NEB: variants seen among roughly 807,000 people sequenced by gnomAD.
NEB encodes nebulin.
A neutral mutation model predicts 952.2 loss-of-function variants in NEB; 512 were observed. That is an observed-to-expected ratio of 0.54 (90% CI 0.50 to 0.58). The LOEUF (loss-of-function observed/expected upper bound fraction) is 0.58, where lower values mean the gene tolerates loss of function less well. Ranked by LOEUF, NEB falls within the 20% of genes least tolerant of loss-of-function variation. NEB has a pLI of 0.00. For synonymous variants in NEB, 2,900 were observed against 3,149.8 expected (o/e 0.92, Z 2.66); for missense variants, 8,428 against 9,231.1 (o/e 0.91, Z 3.56).
In NEB at chr2:151,540,405, G is replaced by A. The variant is rs763942330; in HGVS notation, c.20831C>T (p.Thr6944Ile). 1.1e-5 allele frequency: 18 copies of A among 1,582,360 alleles called. No homozygotes were observed. Among genetic ancestry groups the A allele is most frequent in the Non-Finnish European group, 1.5e-5 (17 of 1,162,270 alleles). Reference protein sequence around the residue: ...IQYEKMKDKYTPVPDTPILIR... With the variant: ...IQYEKMKDKYIPVPDTPILIR... ...GAGGATTGGCGTATCTGGAACCGGAGTGTACTTGTCTTTCATCTTTTCATA... is the reference window on the plus strand; with the variant it reads ...GAGGATTGGCGTATCTGGAACCGGAATGTACTTGTCTTTCATCTTTTCATA... The change falls in exon 138 of 182, where the codon ACT becomes ATT. Residue 6944 changes from threonine (T) to isoleucine (I), a missense_variant. Physicochemically the swap from Thr to Ile is moderately conservative, Grantham distance 89. Around this residue, in one of 11 missense-constraint regions of NEB, gnomAD observed 3,374 missense variants for 3,651.5 expected, o/e 0.92. Coordinates refer to ENST00000397345, the MANE Select transcript of NEB (RefSeq NM_001164508.2).
intron 172 of NEB, among the ~76,000 whole-genome samples, 187 bp from the exon 173 acceptor site, chr2:151,496,555 C>G (rs1392897604): frequency 1.3e-5 from 2 of 152,294 alleles, no homozygotes; most frequent in South Asian, 4.1e-4. Context: ...AATCTGCACC[C>G]TCTAGAGAAG....
Position 151,682,685 on chromosome 2 carries a change from G to C in NEB, c.2920C>G (p.Arg974Gly). The C allele has an allele frequency of 6.2e-7, 1 of 1,612,724 alleles. No homozygotes were observed. The highest frequency in any genetic ancestry group is 2.2e-5 in the East Asian group (1 of 44,846). ...FGSLEMEKAK[R>G]ASDILNEKKY... Reference sequence around the variant, plus strand: ...ACCTCATTGAGGATGTCTGAAGCTCGCTTTGCCTTTTCCATTTCTAAGGAC... The same window carrying C: ...ACCTCATTGAGGATGTCTGAAGCTCCCTTTGCCTTTTCCATTTCTAAGGAC... The change falls in exon 29 of 182, where the codon CGA becomes GGA. Residue 974 changes from arginine to glycine, a missense_variant. Physicochemically the swap from Arg to Gly is moderately radical, Grantham distance 125. Coordinates refer to ENST00000397345, the MANE Select transcript of NEB (RefSeq NM_001164508.2).
chr2:151,690,647 G>C (rs2099541395), intron 24 of NEB, 80 bp downstream of exon 24: 1 of 1,003,640 alleles, frequency 1.0e-6, no homozygotes, highest in Non-Finnish European at 1.5e-6. Context: ...AGCCCATGAA[G>C]ATTAAGCATG....
chr2:151,669,311 T>G (rs2099257580), intron 38 of NEB, among the ~76,000 whole-genome samples, 180 bp from the exon 39 acceptor site: 1 of 152,168 alleles, frequency 6.6e-6, no homozygotes, highest in Non-Finnish European at 1.5e-5. Flanking sequence ...TCTACCAGTA[T>G]TTATTGGACA....
intron 10 of NEB, among the ~76,000 whole-genome samples, chr2:151,716,419 G>A (rs2099759515): frequency 6.6e-6 from 1 of 152,114 alleles, no homozygotes; most frequent in African/African-American, 2.4e-5. Context: ...TTACAGGTGT[G>A]AGCCACCGCG....
chr2:151,684,927 G>A lies in NEB; in HGVS notation c.2686C>T (p.Pro896Ser), dbSNP rs1394419366. The change falls in exon 28 of 182, where the codon CCT becomes TCT. Residue 896 changes from proline (P) to serine (S), a missense_variant. Physicochemically the swap from Pro to Ser is moderately conservative, Grantham distance 74 (BLOSUM62 -1). This residue lies in a region of NEB where 2,851 missense variants were observed against 2,791.5 expected (regional missense o/e 1.02). Coordinates refer to ENST00000397345, the MANE Select transcript of NEB (RefSeq NM_001164508.2). ...TGAGTGACTTGGAGCATATCAAGAG[G>A]TGCCGTGTAGATAGTTTTTGACTTT... Reference protein sequence around the residue: ...YEKSKTIYTAPLDMLQVTQAK... With the variant: ...YEKSKTIYTASLDMLQVTQAK... 1 of 1,612,894 alleles carries A rather than the reference G, an allele frequency of 6.2e-7. No homozygotes were observed. Among genetic ancestry groups the A allele is most frequent in the Non-Finnish European group, 8.5e-7 (1 of 1,179,518 alleles).
intron 51 of NEB, among the ~76,000 whole-genome samples, chr2:151,655,069 C>A (rs2099073825): frequency 6.6e-6 from 1 of 152,140 alleles, no homozygotes; most frequent in Admixed American, 6.5e-5. Context: ...TAAACAGACA[C>A]AGAACCTGCT....
intron 118 of NEB, 27 bp downstream of exon 118, chr2:151,563,796 C>T (rs750659953): frequency 1.4e-5 from 23 of 1,611,118 alleles, no homozygotes; most frequent in Non-Finnish European, 2.0e-5. Context: ...GACTCTCAAA[C>T]TTAGGAGAGG....
intron 138 of NEB, among the ~76,000 whole-genome samples, chr2:151,539,878 A>G (rs1325991573): frequency 2.6e-5 from 4 of 152,182 alleles, no homozygotes; most frequent in African/African-American, 9.7e-5. Context: ...CATGCTAGAC[A>G]CTTATACATT....
chr2:151,559,509 C>G (rs1393482086), intron 124 of NEB, among the ~76,000 whole-genome samples: 1 of 152,216 alleles, frequency 6.6e-6, no homozygotes, highest in Non-Finnish European at 1.5e-5. Flanking sequence ...TATTGCAGCA[C>G]TCTTCACCAT....
chr2:151,726,523 C>A (rs1298688276), intron 5 of NEB, among the ~76,000 whole-genome samples: 1 of 152,070 alleles, frequency 6.6e-6, no homozygotes, highest in Non-Finnish European at 1.5e-5. Context: ...TTTAAGCCTC[C>A]AGAGGACATG....
intron 8 of NEB, 41 bp downstream of exon 8, chr2:151,724,219 T>C: frequency 7.0e-7 from 1 of 1,419,448 alleles, no homozygotes; most frequent in Non-Finnish European, 9.9e-7. Context: ...TATGATGGGA[T>C]GACATAGGAA....
rs1195453868 is a variant in NEB at position 151,524,703 on chromosome 2, G to C, written c.22273-87C>G. Reference sequence around the variant, plus strand: ...TTTTTTTGAGATGGAATCTCACTCTGTTGCCCAGGCTTGAGTGCAGTGGTA... The same window carrying C: ...TTTTTTTGAGATGGAATCTCACTCTCTTGCCCAGGCTTGAGTGCAGTGGTA... On this transcript the variant is annotated intron_variant, in intron 151 of 181. Transcript: ENST00000397345. The C allele has an allele frequency of 6.9e-6, 7 of 1,012,010 alleles. No homozygotes were observed. In the Admixed American group the frequency reaches 1.7e-4, roughly 25 times the overall value. The allele number at this position is 1,012,010 out of a possible 1,614,324, so 62.7% of individuals were successfully genotyped here. A position where few individuals can be genotyped will look rare whatever the true frequency, so the allele number is the denominator to read the frequency against.
chr2:151,653,134 C>T (rs187560403), intron 52 of NEB, among the ~76,000 whole-genome samples: 11 of 152,200 alleles, frequency 7.2e-5, no homozygotes, highest in African/African-American at 2.6e-4. Context: ...GTACTTCAAC[C>T]TGCCTATTAA....
intron 2 of NEB, 124 bp from the exon 3 acceptor site, chr2:151,733,309 G>A (rs2099813384): frequency 1.5e-6 from 1 of 680,068 alleles, no homozygotes; most frequent in Non-Finnish European, 2.4e-6. Context: ...ATTGTTGCAG[G>A]CTAAAGGAGA....
intron 50 of NEB, 71 bp from the exon 51 acceptor site, chr2:151,655,445 T>C: frequency 2.1e-5 from 17 of 812,994 alleles, no homozygotes; most frequent in South Asian, 6.1e-5. Flanking sequence ...TATGTATTTA[T>C]ATATTAGTAC....
chr2:151,550,165 G>A (rs992983679), intron 129 of NEB, among the ~76,000 whole-genome samples: 2 of 147,296 alleles, frequency 1.4e-5, no homozygotes, highest in African/African-American at 5.0e-5. Context: ...TACTTAAGAA[G>A]CTAAGGTGGG....
intron 71 of NEB, among the ~76,000 whole-genome samples, chr2:151,622,111 G>A (rs1001207273): frequency 3.9e-5 from 6 of 151,982 alleles, no homozygotes; most frequent in Non-Finnish European, 7.4e-5. Context: ...AGCGATTCTC[G>A]TGCCTCAGCC....
chr2:151,521,231 C>G (rs757748821), intron 153 of NEB, among the ~76,000 whole-genome samples: 2 of 152,154 alleles, frequency 1.3e-5, no homozygotes, highest in African/African-American at 4.8e-5. Flanking sequence ...AGAGAAAATG[C>G]ATTCACAATG....
Sources: gnomAD v4.1 joint callset for allele counts (sites outside exome capture counted in the v4.1 genomes callset) on GRCh38, gnomAD v4.1.1 for gene constraint, gnomAD v4.1.1 regional missense constraint, MANE v1.5 for transcripts, NCBI Gene and HGNC (gene_info 2026-07-23, HGNC 2026-07-21) for gene names.